Variants in TRIM61 observed in about 807,000 individuals in gnomAD.
TRIM61 encodes the protein tripartite motif containing 61.
Under a neutral mutation model 14.2 loss-of-function variants are expected in TRIM61, and 1 was observed. The ratio of observed to expected loss-of-function variants is 0.07; its 90% CI spans 0.03 to 0.33. The LOEUF (loss-of-function observed/expected upper bound fraction) is 0.33. TRIM61 is among the 10% of genes least tolerant of loss of function. The pLI is 0.99. For synonymous variants in TRIM61, 8 were observed against 71.6 expected, an observed-to-expected ratio of 0.11 and a Z score of 4.49; for missense variants, 19 against 202.2, an observed-to-expected ratio of 0.09 and a Z score of 5.49.
chr4:164,971,098 C>G (rs910841776), intron 2 of TRIM61, among the ~76,000 whole-genome samples: 1 of 152,044 alleles, frequency 6.6e-6, no homozygotes, highest in African/African-American at 2.4e-5. Context: ...GAAACTCTAT[C>G]TCCCCCCTCA....
rs114647031 is a variant in TRIM61 at position 164,973,641 on chromosome 4, G to A, written c.-338+3047C>T. On this transcript the variant is annotated intron_variant, in intron 2 of 4. Coordinates refer to ENST00000329314, the MANE Select transcript of TRIM61 (RefSeq NM_001012414.3). Reference sequence around the variant, plus strand: ...CTGAGTTTCACTTTTCAGAAAGTAGGAAATAATACTGTCTCAGGTTTTAAG... The same window carrying A: ...CTGAGTTTCACTTTTCAGAAAGTAGAAAATAATACTGTCTCAGGTTTTAAG... Among the ~76,000 whole-genome samples, 813 of 152,194 alleles carry A rather than the reference G, an allele frequency of 5.3e-3. 9 individuals are homozygous for A. Among genetic ancestry groups the A allele is most frequent in the African/African-American group, 0.017 (693 of 41,512 alleles).
In TRIM61 at chr4:164,973,265, G is replaced by A. The variant is rs568360930; in HGVS notation, c.-337-2926C>T. 5.9e-5 allele frequency among the ~76,000 whole-genome samples: 9 copies of A among 152,334 alleles called. No individual in the cohort carries two copies. In the East Asian group the frequency reaches 1.5e-3, roughly 26 times the overall value. On this transcript the variant is annotated intron_variant, in intron 2 of 4. Coordinates refer to ENST00000329314, the MANE Select transcript of TRIM61 (RefSeq NM_001012414.3). ...GCTATAAAAGCCTAGAGCTGTAAAA[G>A]CGGAGTCTACAAGAATTTGAACATG... is the stretch of plus-strand genomic sequence containing the variant.
intron 3 of TRIM61, chr4:164,957,499 C>T (rs745711296): frequency 2.5e-6 from 4 of 1,595,674 alleles, no homozygotes; most frequent in Non-Finnish European, 3.4e-6. Context: ...TCCTATAGAG[C>T]AGGCTGCCTC....
intron 3 of TRIM61, chr4:164,958,493 C>T (rs897691072): frequency 6.0e-6 from 1 of 166,900 alleles, no homozygotes; most frequent in Admixed American, 6.6e-5. Flanking sequence ...TATTTGAAAG[C>T]TATTTTGTAT....
chr4:164,960,902 G>C (rs1043727623), intron 3 of TRIM61, among the ~76,000 whole-genome samples: 11 of 152,006 alleles, frequency 7.2e-5, no homozygotes, highest in Admixed American at 2.6e-4. Context: ...AGTGAGCCAA[G>C]ATGGTGCCAC....
At chr4:164,965,198 G>A (rs114909150) in intron 3 of TRIM61, among the ~76,000 whole-genome samples, 53 of 152,246 alleles carry the variant, frequency 3.5e-4, no homozygotes, top group African/African-American at 1.3e-3. Flanking sequence ...TAAGGCGTGA[G>A]AGTCGCTTGA....
intron 3 of TRIM61, among the ~76,000 whole-genome samples, chr4:164,961,491 C>A (rs1732135328): frequency 6.6e-6 from 1 of 151,380 alleles, no homozygotes; most frequent in Admixed American, 6.6e-5. Flanking sequence ...CAAATGGTGT[C>A]ATTTGTGGAT....
chr4:164,975,336 C>A (rs1473942380), intron 2 of TRIM61, among the ~76,000 whole-genome samples: 1 of 151,274 alleles, frequency 6.6e-6, no homozygotes, highest in Admixed American at 6.6e-5. Context: ...TTTAAGAAAA[C>A]ATATACAAAA....
chr4:164,957,555 G>A (rs1732040978), intron 3 of TRIM61: 1 of 1,515,762 alleles, frequency 6.6e-7, no homozygotes, highest in African/African-American at 1.4e-5. Flanking sequence ...AACAGCAAGT[G>A]TAAAATGCTT....
At chr4:164,967,158 TTAAA>T (rs753501682) in intron 3 of TRIM61, among the ~76,000 whole-genome samples, 1 of 152,090 alleles carries the variant, frequency 6.6e-6, no homozygotes, top group Non-Finnish European at 1.5e-5. Context: ...ACATAAAAAA[TTAAA>T]TACTTAAGGA....
At chr4:164,957,680 T>A in intron 3 of TRIM61, 1 of 734,636 alleles carries the variant, frequency 1.4e-6, no homozygotes, top group Non-Finnish European at 2.1e-6. Flanking sequence ...ACTTTGTGCT[T>A]TATTCGGAAA....
chr4:164,958,782 A>C (rs1035122861), intron 3 of TRIM61: 4 of 167,090 alleles, frequency 2.4e-5, no homozygotes, highest in African/African-American at 9.6e-5. Context: ...CTTATATAAA[A>C]ACAAAAACCT....
intron 2 of TRIM61, among the ~76,000 whole-genome samples, chr4:164,970,890 G>A (rs952635645): frequency 7.2e-5 from 11 of 151,940 alleles, no homozygotes; most frequent in Admixed American, 7.2e-4. Flanking sequence ...CCTTGAGGCC[G>A]GGAGTTCAAG....
intron 3 of TRIM61, among the ~76,000 whole-genome samples, chr4:164,965,520 G>C (rs901201194): frequency 1.9e-4 from 26 of 138,320 alleles, no homozygotes; most frequent in African/African-American, 7.2e-4. Context: ...TGCACCTTCT[G>C]CCTCCTGGGT....
chr4:164,959,869 T>G (rs1018232389), intron 3 of TRIM61, among the ~76,000 whole-genome samples: 1 of 152,198 alleles, frequency 6.6e-6, no homozygotes, highest in Non-Finnish European at 1.5e-5. Flanking sequence ...TCTCTGCTAT[T>G]GGTTGAATTG....
chr4:164,975,026 T>C (rs1351626299), intron 2 of TRIM61, among the ~76,000 whole-genome samples: 1 of 151,880 alleles, frequency 6.6e-6, no homozygotes, highest in African/African-American at 2.4e-5. Context: ...TTAGGTCAAG[T>C]GTTCGAGACC....
chr4:164,962,202 A>G (rs544127333), intron 3 of TRIM61, among the ~76,000 whole-genome samples: 1 of 151,606 alleles, frequency 6.6e-6, no homozygotes, highest in Admixed American at 6.6e-5. Flanking sequence ...ATGTGAAATC[A>G]AGGACACAAT....
rs983238169 is a variant in TRIM61, at chr4:164,954,547, C to A, written c.*238G>T. 5.9e-5 allele frequency: 9 copies of A among 152,104 alleles called. No homozygotes were observed. Among genetic ancestry groups the A allele is most frequent in the African/African-American group, 1.7e-4 (7 of 41,406 alleles). 9.4% of individuals were successfully genotyped at this position (152,104 alleles called of 1,614,324 possible). Reference sequence around the variant, plus strand: ...AAAATTATATATATTGATTATAATTCAATATGTTCTTGTATTAATTAGCAT... The same window carrying A: ...AAAATTATATATATTGATTATAATTAAATATGTTCTTGTATTAATTAGCAT... On this transcript the variant is annotated 3_prime_UTR_variant, in exon 5 of 5. Coordinates refer to ENST00000329314, the MANE Select transcript of TRIM61 (RefSeq NM_001012414.3).
At chr4:164,960,294 C>G (rs1317180947) in intron 3 of TRIM61, among the ~76,000 whole-genome samples, 1 of 152,024 alleles carries the variant, frequency 6.6e-6, no homozygotes, top group African/African-American at 2.4e-5. Context: ...CTTGTAATCC[C>G]ATCACTTTTC....
Sources: gnomAD v4.1 joint callset for allele counts (sites outside exome capture counted in the v4.1 genomes callset) on GRCh38, gnomAD v4.1.1 for gene constraint, MANE v1.5 for transcripts, NCBI Gene and HGNC (gene_info 2026-07-23, HGNC 2026-07-21) for gene names.